The following MAF variants were observed in gnomAD, a reference collection of about 807,000 sequenced individuals.
MAF encodes transcription factor Maf.
Under a neutral mutation model 22.0 loss-of-function variants are expected in MAF, and 10 were observed. The ratio of observed to expected loss-of-function variants is 0.45; its 90% CI spans 0.28 to 0.77. The LOEUF (loss-of-function observed/expected upper bound fraction) is 0.77, where lower values mean the gene tolerates loss of function less well. Ranked by LOEUF, MAF falls within the 30% of genes least tolerant of loss-of-function variation. The probability of loss-of-function intolerance (pLI) is 0.12; values close to 1 mark genes in which losing one functional copy is unlikely to be tolerated. For synonymous variants in MAF, 337 were observed against 255.8 expected (o/e 1.32, Z -3.03); for missense variants, 544 against 548.4 (o/e 0.99, Z 0.08).
chr16:79,396,169 G>A, the MAF span, among the ~76,000 whole-genome samples: 38 of 152,310 alleles, frequency 2.5e-4, no homozygotes, highest in African/African-American at 7.5e-4. Context: ...CTGCAGGACA[G>A]GCCTCCTCCT....
the MAF span, among the ~76,000 whole-genome samples, chr16:79,386,659 G>T: frequency 6.6e-6 from 1 of 151,938 alleles, no homozygotes; most frequent in Non-Finnish European, 1.5e-5. Flanking sequence ...GTATGTTATC[G>T]CAGATTGTAA....
At chr16:79,270,277 G>A in the MAF span, among the ~76,000 whole-genome samples, 3 of 152,038 alleles carry the variant, frequency 2.0e-5, no homozygotes, top group Non-Finnish European at 4.4e-5. Flanking sequence ...GGGCTGCAGG[G>A]GGCTTTTTCT....
the MAF span, among the ~76,000 whole-genome samples, chr16:79,308,248 T>C: frequency 1.3e-5 from 2 of 152,222 alleles, no homozygotes; most frequent in Non-Finnish European, 2.9e-5. Context: ...TCAGATCTAT[T>C]GGGCCATGCT....
chr16:79,563,690 A>G, the MAF span, among the ~76,000 whole-genome samples: 1 of 152,104 alleles, frequency 6.6e-6, no homozygotes. Context: ...GGCTTACATT[A>G]TATTTCTTAT....
chr16:79,436,145 T>G, the MAF span, among the ~76,000 whole-genome samples: 1 of 152,320 alleles, frequency 6.6e-6, no homozygotes, highest in East Asian at 1.9e-4. Flanking sequence ...TGCAGTGGCA[T>G]GATCTCGGCT....
the MAF span, among the ~76,000 whole-genome samples, chr16:79,455,397 T>C: frequency 2.6e-5 from 4 of 152,142 alleles, no homozygotes; most frequent in Non-Finnish European, 5.9e-5. Flanking sequence ...AAAAATGAAC[T>C]GAAACATGTC....
At chr16:79,528,851 T>C in the MAF span, among the ~76,000 whole-genome samples, 1 of 152,102 alleles carries the variant, frequency 6.6e-6, no homozygotes, top group Non-Finnish European at 1.5e-5. Context: ...ATGTGGAGAT[T>C]TCTTGGAGCT....
At chr16:79,409,579 G>A in the MAF span, among the ~76,000 whole-genome samples, 2 of 152,192 alleles carry the variant, frequency 1.3e-5, no homozygotes, top group South Asian at 2.1e-4. Context: ...CACCCAGGAG[G>A]AGTGATTTGA....
chr16:79,336,364 C>G, the MAF span, among the ~76,000 whole-genome samples: 1 of 152,178 alleles, frequency 6.6e-6, no homozygotes, highest in East Asian at 1.9e-4. Context: ...AGCAACTTGC[C>G]CAAGGTCACA....
the MAF span, among the ~76,000 whole-genome samples, chr16:79,243,337 A>G: frequency 6.6e-6 from 1 of 151,960 alleles, no homozygotes; most frequent in African/African-American, 2.4e-5. Flanking sequence ...TTAATTTAAA[A>G]AAGAGAGAAG....
At chr16:79,559,716 G>T in the MAF span, among the ~76,000 whole-genome samples, 3,371 of 152,114 alleles carry the variant, frequency 0.022, 53 homozygotes, top group African/African-American at 0.057. Flanking sequence ...GAAGCCAACG[G>T]AAATGAAAAA....
downstream of MAF, among the ~76,000 whole-genome samples, chr16:79,589,375 C>T (rs930446644): frequency 1.3e-5 from 2 of 152,098 alleles, no homozygotes; most frequent in African/African-American, 4.8e-5. Context: ...AACTACACCA[C>T]GGAAACCCCA....
At chr16:79,407,184 G>A in the MAF span, among the ~76,000 whole-genome samples, 5 of 152,196 alleles carry the variant, frequency 3.3e-5, no homozygotes, top group African/African-American at 1.2e-4. Context: ...TGGTACCCAT[G>A]AAGAAGAGCT....
the MAF span, among the ~76,000 whole-genome samples, chr16:79,555,710 C>T: frequency 6.6e-6 from 1 of 152,124 alleles, no homozygotes; most frequent in Admixed American, 6.5e-5. Flanking sequence ...GATACTCAGT[C>T]AATAAATATA....
chr16:79,289,595 G>C, the MAF span, among the ~76,000 whole-genome samples: 1 of 152,038 alleles, frequency 6.6e-6, no homozygotes, highest in African/African-American at 2.4e-5. Context: ...TGTCATGGCT[G>C]TGACCATCAG....
chr16:79,553,382 G>A, the MAF span, among the ~76,000 whole-genome samples: 24 of 152,362 alleles, frequency 1.6e-4, no homozygotes, highest in African/African-American at 5.5e-4. Context: ...CCATAGAGGA[G>A]GGGCTGGTGT....
At chr16:79,343,247 C>CA in the MAF span, among the ~76,000 whole-genome samples, 1 of 144,362 alleles carries the variant, frequency 6.9e-6, no homozygotes, top group Non-Finnish European at 1.6e-5. Context: ...AACCCCCCCC[C>CA]AAAAAAATCT....
chr16:79,477,601 G>T, the MAF span, among the ~76,000 whole-genome samples: 1 of 152,100 alleles, frequency 6.6e-6, no homozygotes, highest in East Asian at 1.9e-4. Context: ...TCCTATAGCT[G>T]CTTTTGTTTC....
At chr16:79,427,737 G>A in the MAF span, among the ~76,000 whole-genome samples, 1 of 151,994 alleles carries the variant, frequency 6.6e-6, no homozygotes, top group Admixed American at 6.5e-5. Flanking sequence ...ATTCTCCTCT[G>A]AATTCCGCAT....
Sources: allele counts gnomAD v4.1 joint callset (sites outside exome capture counted in the v4.1 genomes callset), GRCh38; gene constraint gnomAD v4.1.1; transcripts MANE v1.5; gene names NCBI Gene and HGNC (gene_info 2026-07-23, HGNC 2026-07-21).